The following FMN2 variants were observed in gnomAD, a reference collection of about 807,000 sequenced individuals.
FMN2 encodes the protein formin-2.
Under a neutral mutation model 142.3 loss-of-function variants are expected in FMN2, and 51 were observed. That is an observed-to-expected ratio of 0.36 (90% CI 0.29 to 0.45). The LOEUF (loss-of-function observed/expected upper bound fraction) is 0.45. Among genes scored for constraint, FMN2 ranks in the 20% least tolerant of loss-of-function variants. FMN2 has a pLI of 1.00. For synonymous variants in FMN2, 882 were observed against 869.8 expected (o/e 1.01, Z -0.25); for missense variants, 1,936 against 2,122.8 (o/e 0.91, Z 1.73).
intron 8 of FMN2, among the ~76,000 whole-genome samples, chr1:240,311,856 C>T (rs978248550): frequency 2.6e-5 from 4 of 152,242 alleles, no homozygotes; most frequent in Non-Finnish European, 4.4e-5. Flanking sequence ...GACAAGGTCT[C>T]GCTCTCTTGG....
intron 7 of FMN2, among the ~76,000 whole-genome samples, chr1:240,291,565 T>G (rs192573932): frequency 2.8e-4 from 43 of 152,298 alleles, no homozygotes; most frequent in Admixed American, 2.4e-3. Flanking sequence ...TCTTTTAAAT[T>G]TTGGATTTAT....
intron 14 of FMN2, among the ~76,000 whole-genome samples, chr1:240,375,860 G>C (rs778027692): frequency 8.5e-5 from 13 of 152,116 alleles, no homozygotes; most frequent in Non-Finnish European, 1.9e-4. Context: ...TTATTTATCA[G>C]TTAGTAAGAA....
At chr1:240,118,291 G>T (rs138085550) in intron 1 of FMN2, among the ~76,000 whole-genome samples, 2 of 152,178 alleles carry the variant, frequency 1.3e-5, no homozygotes, top group Non-Finnish European at 2.9e-5. Flanking sequence ...AAAGGGCAAC[G>T]GGTAGCACAG....
intron 14 of FMN2, among the ~76,000 whole-genome samples, chr1:240,367,767 C>CAAAAAAAAAAAAAAAAAAAAAAAAA: frequency 1.9e-5 from 1 of 54,044 alleles, no homozygotes; most frequent in Admixed American, 2.0e-4. Context: ...GACTCAGTCT[C>CAAAAAAAAAAAAAAAAAAAAAAAAA]AAAAAAAAAA....
At chr1:240,215,443 G>A (rs756826051) in intron 6 of FMN2, among the ~76,000 whole-genome samples, 4 of 152,098 alleles carry the variant, frequency 2.6e-5, no homozygotes, top group African/African-American at 7.2e-5. Context: ...GGCTGAGCTC[G>A]GGTTCAGACT....
rs561042238 is a variant in FMN2 at position 240,093,906 on chromosome 1, C to T, written c.1615+182C>T. On this transcript the variant is annotated intron_variant, in intron 1 of 17. Coordinates refer to ENST00000319653, the MANE Select transcript of FMN2 (RefSeq NM_020066.5). ...CCCACGGTGAAATGACTTGGACATA[C>T]TTGTTGGTTTTCTGTGTTCTTACAA... 7.9e-5 allele frequency among the ~76,000 whole-genome samples: 12 copies of T among 152,334 alleles called. No homozygotes were observed. The East Asian group carries it at 2.1e-3, about 27-fold the overall frequency.
intron 15 of FMN2, among the ~76,000 whole-genome samples, chr1:240,411,168 TTATTTGA>T (rs2103125291): frequency 6.6e-6 from 1 of 152,352 alleles, no homozygotes; most frequent in African/African-American, 2.4e-5. Context: ...TCCCTCACAC[TTATTTGA>T]TAGTTTGTCT....
intron 16 of FMN2, among the ~76,000 whole-genome samples, chr1:240,441,168 T>C (rs1450320486): frequency 2.0e-5 from 3 of 152,036 alleles, no homozygotes; most frequent in African/African-American, 7.2e-5. Context: ...CTAATTTTTG[T>C]ATTTTTAGTA....
At chr1:240,252,198 T>A (rs1476953982) in intron 6 of FMN2, among the ~76,000 whole-genome samples, 2 of 152,192 alleles carry the variant, frequency 1.3e-5, no homozygotes, top group Non-Finnish European at 2.9e-5. Flanking sequence ...TGTGAGCCAC[T>A]ATTTCCGGCC....
intron 8 of FMN2, among the ~76,000 whole-genome samples, chr1:240,310,153 A>G (rs1340102894): frequency 6.6e-6 from 1 of 152,242 alleles, no homozygotes; most frequent in Non-Finnish European, 1.5e-5. Context: ...AAACATATTT[A>G]AACTCAATTT....
chr1:240,346,157 C>A (rs1438644324), intron 13 of FMN2, among the ~76,000 whole-genome samples: 1 of 151,932 alleles, frequency 6.6e-6, no homozygotes, highest in Non-Finnish European at 1.5e-5. Flanking sequence ...GGGAGTAAGA[C>A]CCCCAATGAA....
chr1:240,156,887 G>A (rs952759330), intron 2 of FMN2, among the ~76,000 whole-genome samples: 3 of 152,078 alleles, frequency 2.0e-5, no homozygotes, highest in African/African-American at 7.2e-5. Context: ...AAGACAAGAA[G>A]AAAGAAAAAT....
intron 14 of FMN2, among the ~76,000 whole-genome samples, chr1:240,389,067 G>T (rs1673515876): frequency 6.6e-6 from 1 of 152,106 alleles, no homozygotes; most frequent in Admixed American, 6.5e-5. Context: ...ATGTCAAAAA[G>T]AAATGAGGTG....
At chr1:240,442,267 A>C (rs746186573) in intron 16 of FMN2, among the ~76,000 whole-genome samples, 13 of 152,172 alleles carry the variant, frequency 8.5e-5, no homozygotes, top group Non-Finnish European at 1.6e-4. Flanking sequence ...CTCATAACCC[A>C]GGAGGACAGA....
At chr1:240,463,650 A>G (rs1676517966) in intron 16 of FMN2, among the ~76,000 whole-genome samples, 1 of 152,204 alleles carries the variant, frequency 6.6e-6, no homozygotes, top group South Asian at 2.1e-4. Flanking sequence ...ATGTCCAGAA[A>G]GATAGTTGGA....
intron 13 of FMN2, among the ~76,000 whole-genome samples, chr1:240,341,941 G>A (rs1015689826): frequency 6.6e-6 from 1 of 152,194 alleles, no homozygotes; most frequent in Non-Finnish European, 1.5e-5. Context: ...AATTGTAGGT[G>A]TTTTCATCCT....
Position 240,271,098 on chromosome 1 carries a change from G to GTTTTTTTTTTTTTTTT in FMN2, c.4153+13070_4153+13085dup, listed in dbSNP as rs56686860. Reference sequence around the variant, plus strand: ...ACCCCCCTAGGAACTTTCCACGATGGTTTTTTTTTTTTTTTTTTTGTGACT... The same window carrying GTTTTTTTTTTTTTTTT: ...ACCCCCCTAGGAACTTTCCACGATGGTTTTTTTTTTTTTTTTTTTTTTTTTTTTTTTTTTTGTGACT... On this transcript the variant is annotated intron_variant, in intron 7 of 17. Transcript: ENST00000319653. 2.5e-3 allele frequency among the ~76,000 whole-genome samples: 181 copies of GTTTTTTTTTTTTTTTT among 72,218 alleles called. 23 individuals carry two copies. The highest frequency in any genetic ancestry group is 0.011 in the African/African-American group (160 of 15,096). 47.4% of individuals were successfully genotyped at this position (72,218 alleles called of 152,430 possible).
chr1:240,403,084 A>G (rs937753962), intron 15 of FMN2, among the ~76,000 whole-genome samples: 1 of 152,224 alleles, frequency 6.6e-6, no homozygotes, highest in African/African-American at 2.4e-5. Flanking sequence ...TTTGAATTCT[A>G]TTGCAACTAT....
At chr1:240,420,079 C>A (rs1674712946) in intron 15 of FMN2, among the ~76,000 whole-genome samples, 1 of 152,084 alleles carries the variant, frequency 6.6e-6, no homozygotes, top group South Asian at 2.1e-4. Flanking sequence ...TATTTAGGAT[C>A]CTATCATCCC....
Sources: allele counts gnomAD v4.1 joint callset (sites outside exome capture counted in the v4.1 genomes callset), GRCh38; gene constraint gnomAD v4.1.1; transcripts MANE v1.5; gene names NCBI Gene and HGNC (gene_info 2026-07-23, HGNC 2026-07-21).